HDAC4: variants seen among roughly 807,000 people sequenced by gnomAD.
HDAC4 encodes histone deacetylase A.
A neutral mutation model predicts 135.1 loss-of-function variants in HDAC4; 16 were observed. That is an observed-to-expected ratio of 0.12 (90% CI 0.08 to 0.18). The LOEUF is 0.18. Ranked by LOEUF, HDAC4 falls within the 10% of genes least tolerant of loss-of-function variation. HDAC4 has a pLI of 1.00. For synonymous variants in HDAC4, 685 were observed against 653.4 expected, an observed-to-expected ratio of 1.05 and a Z score of -0.74; for missense variants, 1,143 against 1,511.8, an observed-to-expected ratio of 0.76 and a Z score of 4.05.
At chr2:239,084,020 G>T in intron 20 of HDAC4, 135 bp downstream of exon 20, 1 of 716,598 alleles carries the variant, frequency 1.4e-6, no homozygotes, top group Non-Finnish European at 2.5e-6. Flanking sequence ...TTACTTCTCC[G>T]CATCTTTGAG....
chr2:239,108,229 A>G (rs932360154), intron 14 of HDAC4, 46 bp from the exon 15 acceptor site: 1 of 1,565,312 alleles, frequency 6.4e-7, no homozygotes, highest in Non-Finnish European at 8.7e-7. Flanking sequence ...TCCAGGGGCG[A>G]GCCGACCACC....
intron 24 of HDAC4, among the ~76,000 whole-genome samples, chr2:239,059,187 G>T (rs1405553969): frequency 6.6e-6 from 1 of 152,222 alleles, no homozygotes; most frequent in Non-Finnish European, 1.5e-5. Context: ...GTGAGATGCG[G>T]CTGGATGCCA....
intron 2 of HDAC4, among the ~76,000 whole-genome samples, chr2:239,329,458 G>A (rs558859381): frequency 2.0e-5 from 3 of 149,594 alleles, no homozygotes; most frequent in South Asian, 2.2e-4. Context: ...CAGGGGCCAC[G>A]TCGGGCCAGC....
At chr2:239,388,993 C>G (rs1046118134) in intron 1 of HDAC4, among the ~76,000 whole-genome samples, 15 of 152,204 alleles carry the variant, frequency 9.9e-5, no homozygotes, top group African/African-American at 3.6e-4. Flanking sequence ...GCCCTGGGAG[C>G]CCGCATTCTG....
At chr2:239,175,189 G>A (rs1018906512) in intron 5 of HDAC4, among the ~76,000 whole-genome samples, 1 of 152,226 alleles carries the variant, frequency 6.6e-6, no homozygotes. Context: ...CTTCACTCTG[G>A]TGATTAGATC....
intron 2 of HDAC4, among the ~76,000 whole-genome samples, chr2:239,253,136 C>T (rs1282967528): frequency 1.3e-5 from 2 of 152,212 alleles, no homozygotes; most frequent in African/African-American, 4.8e-5. Context: ...GGAACAAATC[C>T]ACTTCCTATC....
At chr2:239,365,020 A>T (rs1694098826) in intron 1 of HDAC4, among the ~76,000 whole-genome samples, 1 of 152,274 alleles carries the variant, frequency 6.6e-6, no homozygotes, top group Non-Finnish European at 1.5e-5. Context: ...AATATATATG[A>T]AATCATTTTT....
intron 1 of HDAC4, among the ~76,000 whole-genome samples, chr2:239,371,892 AGTGAAGAGCCCGTGGAGG>A (rs967955149): frequency 2.6e-5 from 4 of 152,230 alleles, no homozygotes; most frequent in African/African-American, 7.2e-5. Context: ...GACCCAAAAC[AGTGAAGAGCCCGTGGAGG>A]GGCAGGGGGC....
chr2:239,195,702 T>C (rs1445119380), intron 3 of HDAC4, among the ~76,000 whole-genome samples: 1 of 152,244 alleles, frequency 6.6e-6, no homozygotes, highest in African/African-American at 2.4e-5. Context: ...CAAAAAAGTC[T>C]GTATTCTCAT....
intron 3 of HDAC4, among the ~76,000 whole-genome samples, chr2:239,215,082 T>C (rs2046556451): frequency 6.6e-6 from 1 of 152,172 alleles, no homozygotes; most frequent in Non-Finnish European, 1.5e-5. Flanking sequence ...CAAGATGGTG[T>C]TGTGATCTAT....
chr2:239,075,321 G>C (rs911949647), intron 22 of HDAC4, among the ~76,000 whole-genome samples: 2 of 150,638 alleles, frequency 1.3e-5, no homozygotes, highest in Non-Finnish European at 2.9e-5. Context: ...ACTTTAAGGA[G>C]AGTATTTCCA....
intron 15 of HDAC4, among the ~76,000 whole-genome samples, chr2:239,103,284 G>A (rs1018718505): frequency 6.6e-5 from 10 of 152,062 alleles, no homozygotes; most frequent in African/African-American, 9.7e-5. Context: ...AACCCCAGCC[G>A]CGCTCCCGGA....
intron 2 of HDAC4, among the ~76,000 whole-genome samples, chr2:239,270,056 C>G (rs977211376): frequency 6.6e-6 from 1 of 152,158 alleles, no homozygotes; most frequent in African/African-American, 2.4e-5. Context: ...ACGCAGGTGG[C>G]CCTTGAGGTC....
intron 7 of HDAC4, among the ~76,000 whole-genome samples, chr2:239,147,977 T>G (rs2041871735): frequency 6.6e-6 from 1 of 152,218 alleles, no homozygotes; most frequent in East Asian, 1.9e-4. Context: ...CCGGAACGCT[T>G]TAACTCTTAG....
upstream of HDAC4, chr2:239,401,372 G>C (rs920558601): frequency 1.9e-5 from 3 of 155,562 alleles, no homozygotes; most frequent in Non-Finnish European, 4.3e-5. Context: ...TTGGCTGCTG[G>C]AGCTGCCAAT....
chr2:239,099,581 G>A (rs991090900), intron 16 of HDAC4, among the ~76,000 whole-genome samples: 1 of 152,202 alleles, frequency 6.6e-6, no homozygotes, highest in African/African-American at 2.4e-5. Context: ...TAGCCTCAGT[G>A]CCTCGATGCA....
At chr2:239,266,054 G>C (rs1037418991) in intron 2 of HDAC4, among the ~76,000 whole-genome samples, 1 of 152,206 alleles carries the variant, frequency 6.6e-6, no homozygotes, top group African/African-American at 2.4e-5. Context: ...GAGCCCCTAA[G>C]CCTGCGCAGA....
At chr2:239,059,412 T>G (rs1454401701) in intron 24 of HDAC4, among the ~76,000 whole-genome samples, 1 of 152,014 alleles carries the variant, frequency 6.6e-6, no homozygotes, top group East Asian at 1.9e-4. Flanking sequence ...CCGGCAGGAC[T>G]GACGGAGGAA....
At chr2:239,318,037 T>C (rs1269594645) in intron 2 of HDAC4, among the ~76,000 whole-genome samples, 1 of 151,548 alleles carries the variant, frequency 6.6e-6, no homozygotes, top group Non-Finnish European at 1.5e-5. Context: ...ACGGTGACAC[T>C]AGATGACCAG....
Sources: allele counts gnomAD v4.1 joint callset (sites outside exome capture counted in the v4.1 genomes callset), GRCh38; gene constraint gnomAD v4.1.1; transcripts MANE v1.5; gene names NCBI Gene and HGNC (gene_info 2026-07-23, HGNC 2026-07-21).